The following KCNIP4 variants were observed in gnomAD, a reference collection of about 807,000 sequenced individuals.
KCNIP4 encodes Kv channel-interacting protein 4.
In KCNIP4, 12 loss-of-function variants were observed where a neutral mutation model predicts 34.0. That is an observed-to-expected ratio of 0.35 (90% CI 0.23 to 0.57). KCNIP4 has a LOEUF of 0.57. Ranked by LOEUF, KCNIP4 falls within the 20% of genes least tolerant of loss-of-function variation. The pLI is 0.83. For missense variants in KCNIP4, 238 were observed against 311.7 expected, an observed-to-expected ratio of 0.76 and a Z score of 1.78; for synonymous variants, 124 against 102.2, an observed-to-expected ratio of 1.21 and a Z score of -1.29.
intron 2 of KCNIP4, among the ~76,000 whole-genome samples, chr4:20,856,198 T>C (rs1272958959): frequency 1.3e-5 from 2 of 152,248 alleles, no homozygotes; most frequent in Non-Finnish European, 2.9e-5. Context: ...GTAAATAGCA[T>C]GCAATAGACC....
Position 21,444,031 on chromosome 4 carries a change from T to C in KCNIP4, c.61+504540A>G, listed in dbSNP as rs559646466. 2.0e-5 allele frequency among the ~76,000 whole-genome samples: 3 copies of C among 152,106 alleles called. No individual in the cohort carries two copies. The South Asian group carries it at 6.2e-4, about 32-fold the overall frequency. On this transcript the variant is annotated intron_variant, in intron 1 of 8. Coordinates refer to ENST00000382152, the MANE Select transcript of KCNIP4 (RefSeq NM_025221.6). The stretch of plus-strand genomic sequence containing the variant: ...AATAAACTAGAAAATCTAGAAGAAA[T>C]GGATAAATTCCTCGACACATACACC...
intron 1 of KCNIP4, among the ~76,000 whole-genome samples, chr4:21,250,077 G>A (rs1760581532): frequency 6.6e-6 from 1 of 151,442 alleles, no homozygotes; most frequent in Non-Finnish European, 1.5e-5. Context: ...AGTGTAAAGG[G>A]AGTGGTAAAC....
In KCNIP4 at chr4:21,131,344, CA is replaced by C. The variant is rs577061351; in HGVS notation, c.62-248636del. Among the ~76,000 whole-genome samples, 311 of 152,146 alleles carry C rather than the reference CA, an allele frequency of 2.0e-3. 1 individual carries two copies. Among genetic ancestry groups the C allele is most frequent in the Middle Eastern group, 0.014 (4 of 294 alleles). On this transcript the variant is annotated intron_variant, in intron 1 of 8. Transcript: ENST00000382152. ...ATACATTTACATATAGAACTAAAAC[CA>C]AAAAAGCAATCTCTTCTTTAGAAGT... is the stretch of plus-strand genomic sequence containing the variant.
At chr4:21,616,915 T>A in intron 1 of KCNIP4, among the ~76,000 whole-genome samples, 1 of 152,318 alleles carries the variant, frequency 6.6e-6, no homozygotes. Context: ...GACTTCAACA[T>A]ATCTTTTTAG....
intron 1 of KCNIP4, among the ~76,000 whole-genome samples, chr4:21,786,503 C>T (rs1719923044): frequency 2.2e-5 from 3 of 139,150 alleles, no homozygotes. Flanking sequence ...TGTACCCAGG[C>T]TGTATGTTTA....
At chr4:20,946,695 T>A (rs1577412411) in intron 1 of KCNIP4, among the ~76,000 whole-genome samples, 1 of 152,226 alleles carries the variant, frequency 6.6e-6, no homozygotes, top group Non-Finnish European at 1.5e-5. Context: ...ATTCTTATTA[T>A]GTGTCAGGCA....
chr4:21,452,098 C>T (rs1440134321), intron 1 of KCNIP4, among the ~76,000 whole-genome samples: 1 of 152,074 alleles, frequency 6.6e-6, no homozygotes, highest in Admixed American at 6.6e-5. Flanking sequence ...AACTGCTTGA[C>T]TTAACCCACA....
At chr4:20,904,023 G>C (rs1727445790) in intron 1 of KCNIP4, among the ~76,000 whole-genome samples, 1 of 152,156 alleles carries the variant, frequency 6.6e-6, no homozygotes, top group South Asian at 2.1e-4. Flanking sequence ...TAAAAGCAGT[G>C]TTTTAAAGAA....
chr4:21,150,439 A>C (rs946935924), intron 1 of KCNIP4, among the ~76,000 whole-genome samples: 2 of 144,884 alleles, frequency 1.4e-5, no homozygotes, highest in Non-Finnish European at 2.9e-5. Context: ...GGCTCCCCTG[A>C]CTGTGATCTC....
At chr4:21,589,096 C>T (rs1198549711) in intron 1 of KCNIP4, among the ~76,000 whole-genome samples, 1 of 139,222 alleles carries the variant, frequency 7.2e-6, no homozygotes, top group Non-Finnish European at 1.5e-5. Context: ...ATAAAATAGT[C>T]TAAGTAATCA....
Position 21,528,805 on chromosome 4 carries a change from AAGGAAGGAAGGAAGG to A in KCNIP4, c.61+419751_61+419765del, listed in dbSNP as rs1736379336. Among the ~76,000 whole-genome samples the A allele has an allele frequency of 3.3e-5, 2 of 60,556 alleles. 1 individual carries two copies. Among genetic ancestry groups the A allele is most frequent in the African/African-American group, 1.2e-4 (2 of 16,562 alleles). The allele number at this position is 60,556 out of a possible 152,430, so 39.7% of individuals were successfully genotyped here. ...GAAGAAAGGAAGAAAGGAAGAAAGGAAGGAAGGAAGGAAGGAAGGAAGGAAGGAAGGAAGGAAGGA... is the reference window on the plus strand; with the variant it reads ...GAAGAAAGGAAGAAAGGAAGAAAGGAAAGGAAGGAAGGAAGGAAGGAAGGA... On this transcript the variant is annotated intron_variant, in intron 1 of 8. Coordinates refer to ENST00000382152, the MANE Select transcript of KCNIP4 (RefSeq NM_025221.6).
intron 1 of KCNIP4, among the ~76,000 whole-genome samples, chr4:21,092,556 G>C (rs1359208645): frequency 6.6e-6 from 1 of 152,200 alleles, no homozygotes; most frequent in Non-Finnish European, 1.5e-5. Context: ...TTTGTTTAAA[G>C]TTCTGTGGTG....
chr4:21,460,080 A>G (rs1424720395), intron 1 of KCNIP4, among the ~76,000 whole-genome samples: 1 of 150,468 alleles, frequency 6.6e-6, no homozygotes. Context: ...AAAACCTACA[A>G]GGCCTTGCAA....
chr4:20,920,595 T>C lies in KCNIP4; in HGVS notation c.62-37886A>G, dbSNP rs185343245. On this transcript the variant is annotated intron_variant, in intron 1 of 8. Transcript: ENST00000382152. ...GGTTGCAGACTGGACTTTTGTCTAG[T>C]CATGTTTTTATGAGACATGCACAGT... 6.8e-4 allele frequency among the ~76,000 whole-genome samples: 104 copies of C among 152,276 alleles called. 2 individuals are homozygous for C. In the South Asian group the frequency reaches 0.021, roughly 31 times the overall value.
intron 1 of KCNIP4, among the ~76,000 whole-genome samples, chr4:21,620,220 T>C (rs534194424): frequency 2.6e-5 from 4 of 152,244 alleles, no homozygotes; most frequent in African/African-American, 9.6e-5. Flanking sequence ...GAAAGAATTG[T>C]GGCCAGGCGT....
At chr4:21,285,157 C>G (rs1308670316) in intron 1 of KCNIP4, among the ~76,000 whole-genome samples, 1 of 152,030 alleles carries the variant, frequency 6.6e-6, no homozygotes, top group Non-Finnish European at 1.5e-5. Flanking sequence ...CTATTTGGCA[C>G]CCTTCTTTAA....
At chr4:20,928,696 C>T (rs1730139987) in intron 1 of KCNIP4, among the ~76,000 whole-genome samples, 1 of 151,616 alleles carries the variant, frequency 6.6e-6, no homozygotes, top group African/African-American at 2.4e-5. Context: ...GATAGGTAAA[C>T]AAAATTCACA....
intron 1 of KCNIP4, among the ~76,000 whole-genome samples, chr4:21,749,750 G>A (rs1717025976): frequency 6.6e-6 from 1 of 151,998 alleles, no homozygotes; most frequent in Non-Finnish European, 1.5e-5. Flanking sequence ...CACATCTTTG[G>A]GTAGAAAGAA....
chr4:21,378,536 C>T (rs1241059921), intron 1 of KCNIP4, among the ~76,000 whole-genome samples: 3 of 152,104 alleles, frequency 2.0e-5, no homozygotes, highest in African/African-American at 7.2e-5. Context: ...AGGTGATTTC[C>T]TATCTTTGTT....
Sources: gnomAD v4.1 joint callset for allele counts (sites outside exome capture counted in the v4.1 genomes callset) on GRCh38, gnomAD v4.1.1 for gene constraint, MANE v1.5 for transcripts, NCBI Gene and HGNC (gene_info 2026-07-23, HGNC 2026-07-21) for gene names.